Variants in CTNNA3 observed in about 807,000 individuals in gnomAD.
CTNNA3 encodes catenin alpha 3.
Under a neutral mutation model 95.7 loss-of-function variants are expected in CTNNA3, and 76 were observed. The observed-to-expected ratio is 0.79, with a 90% confidence interval of 0.66 to 0.96. CTNNA3 has a LOEUF of 0.96. Ranked by LOEUF, CTNNA3 falls within the 40% of genes least tolerant of loss-of-function variation. The pLI is 0.00. For missense variants in CTNNA3, 1,191 were observed against 1,089.8 expected (o/e 1.09, Z -1.31); for synonymous variants, 431 against 374.4 (o/e 1.15, Z -1.74).
intron 5 of CTNNA3, among the ~76,000 whole-genome samples, chr10:67,245,012 G>A (rs1865856340): frequency 6.6e-6 from 1 of 152,048 alleles, no homozygotes; most frequent in African/African-American, 2.4e-5. Context: ...CTTCATTTAT[G>A]AAAAATGTGA....
chr10:66,749,111 G>A (rs769871455), intron 9 of CTNNA3, among the ~76,000 whole-genome samples: 24 of 147,032 alleles, frequency 1.6e-4, no homozygotes, highest in Non-Finnish European at 3.1e-4. Flanking sequence ...GCTGAGACAG[G>A]AGAATCACTT....
intron 13 of CTNNA3, among the ~76,000 whole-genome samples, chr10:66,120,044 T>C (rs1397370936): frequency 6.6e-6 from 1 of 152,240 alleles, no homozygotes; most frequent in Non-Finnish European, 1.5e-5. Flanking sequence ...CTTTTCATTC[T>C]CGTGTGAAAC....
At chr10:66,275,237 C>A (rs546223723) in intron 13 of CTNNA3, among the ~76,000 whole-genome samples, 15 of 152,150 alleles carry the variant, frequency 9.9e-5, no homozygotes, top group Non-Finnish European at 1.5e-5. Flanking sequence ...CCTGCCTCAA[C>A]CTCCTGAGAA....
chr10:66,659,024 C>T (rs1402498723), intron 9 of CTNNA3, among the ~76,000 whole-genome samples: 1 of 152,058 alleles, frequency 6.6e-6, no homozygotes, highest in Non-Finnish European at 1.5e-5. Context: ...TTCATTTATT[C>T]ACTCATTCAA....
intron 15 of CTNNA3, among the ~76,000 whole-genome samples, chr10:66,004,018 C>T (rs190565083): frequency 9.9e-5 from 15 of 152,260 alleles, no homozygotes; most frequent in African/African-American, 1.4e-4. Flanking sequence ...GAATTTTAGA[C>T]GCTCAACACT....
chr10:67,200,935 T>G (rs750732232), intron 6 of CTNNA3, among the ~76,000 whole-genome samples: 1 of 152,208 alleles, frequency 6.6e-6, no homozygotes, highest in African/African-American at 2.4e-5. Context: ...TGTCTCAGTA[T>G]GTGTTTCCTC....
At chr10:67,419,180 T>C (rs1316809542) in intron 5 of CTNNA3, among the ~76,000 whole-genome samples, 1 of 152,164 alleles carries the variant, frequency 6.6e-6, no homozygotes, top group Non-Finnish European at 1.5e-5. Flanking sequence ...AGGTGGTTCA[T>C]GTGTACATTA....
chr10:66,111,110 A>T lies in CTNNA3; in HGVS notation c.1885-7861T>A, dbSNP rs187276158. On this transcript the variant is annotated intron_variant, in intron 13 of 17. Transcript: ENST00000433211. Reference sequence around the variant, plus strand: ...GAATTGTTATCCACAGTGCTGAGGGAGGGACCTGGTAGGAGGTGATTGGAT... The same window carrying T: ...GAATTGTTATCCACAGTGCTGAGGGTGGGACCTGGTAGGAGGTGATTGGAT... 2.6e-4 allele frequency among the ~76,000 whole-genome samples: 39 copies of T among 152,270 alleles called. No homozygotes were observed. The East Asian group carries it at 7.5e-3, about 29-fold the overall frequency.
At chr10:66,596,081 G>A (rs1178218133) in intron 10 of CTNNA3, among the ~76,000 whole-genome samples, 2 of 152,038 alleles carry the variant, frequency 1.3e-5, no homozygotes, top group African/African-American at 4.8e-5. Context: ...CTTCCAAGGA[G>A]ACCCACTTCT....
At chr10:66,529,604 C>A (rs187123487) in intron 10 of CTNNA3, among the ~76,000 whole-genome samples, 1 of 152,060 alleles carries the variant, frequency 6.6e-6, no homozygotes, top group Non-Finnish European at 1.5e-5. Flanking sequence ...AGTTATTTTG[C>A]TTTTACTATA....
intron 5 of CTNNA3, among the ~76,000 whole-genome samples, chr10:67,423,740 C>T (rs1407118146): frequency 6.6e-6 from 1 of 151,986 alleles, no homozygotes; most frequent in Non-Finnish European, 1.5e-5. Context: ...GTGTATTATT[C>T]TCTCAGATTC....
At chr10:67,302,857 C>G (rs1840381679) in intron 5 of CTNNA3, among the ~76,000 whole-genome samples, 1 of 151,936 alleles carries the variant, frequency 6.6e-6, no homozygotes, top group Non-Finnish European at 1.5e-5. Flanking sequence ...GATGGTATAA[C>G]CAAATTAGAA....
At position 67,161,114 on chromosome 10, in the gene CTNNA3, T is replaced by C. The variant is rs145588552; in HGVS notation, c.1047+19203A>G. Among the ~76,000 whole-genome samples the C allele has an allele frequency of 3.7e-3, 556 of 152,258 alleles. 3 individuals carry two copies. Among genetic ancestry groups the C allele is most frequent in the Middle Eastern group, 0.02 (6 of 294 alleles). On this transcript the variant is annotated intron_variant, in intron 7 of 17. Coordinates refer to ENST00000433211, the MANE Select transcript of CTNNA3 (RefSeq NM_013266.4). ...AGTTATAGAGATATGTTGTCCAACA[T>C]TGTGCCTCTAGTTTTCATTTGATAT...
intron 7 of CTNNA3, among the ~76,000 whole-genome samples, chr10:67,032,322 T>C (rs903302134): frequency 2.6e-5 from 4 of 152,196 alleles, no homozygotes; most frequent in African/African-American, 9.6e-5. Flanking sequence ...AACTGACATA[T>C]GAAAACTATC....
At chr10:67,213,105 T>G (rs1310605620) in intron 6 of CTNNA3, among the ~76,000 whole-genome samples, 1 of 151,912 alleles carries the variant, frequency 6.6e-6, no homozygotes, top group Non-Finnish European at 1.5e-5. Context: ...TGTTAACTAC[T>G]AATTCTATTT....
chr10:67,698,305 T>C (rs1168954855), upstream of CTNNA3, among the ~76,000 whole-genome samples: 1 of 151,562 alleles, frequency 6.6e-6, no homozygotes, highest in African/African-American at 2.4e-5. Flanking sequence ...TCTCCCGAGG[T>C]AATCAAAAGT....
At chr10:66,160,985 T>C (rs1350989974) in intron 13 of CTNNA3, among the ~76,000 whole-genome samples, 1 of 152,188 alleles carries the variant, frequency 6.6e-6, no homozygotes. Context: ...TTTTGTGTGA[T>C]ATAAGAATAG....
chr10:66,352,669 C>T (rs2092575985), intron 12 of CTNNA3, among the ~76,000 whole-genome samples: 1 of 152,020 alleles, frequency 6.6e-6, no homozygotes, highest in African/African-American at 2.4e-5. Context: ...GAGACTCTCA[C>T]TTCTTAAGGT....
intron 5 of CTNNA3, among the ~76,000 whole-genome samples, chr10:67,447,732 A>G (rs142723744): frequency 1.3e-5 from 2 of 152,166 alleles, no homozygotes; most frequent in East Asian, 1.9e-4. Context: ...CATAGCTCTT[A>G]TAACTGCTTG....
Sources: allele counts gnomAD v4.1 joint callset (sites outside exome capture counted in the v4.1 genomes callset), GRCh38; gene constraint gnomAD v4.1.1; transcripts MANE v1.5; gene names NCBI Gene and HGNC (gene_info 2026-07-23, HGNC 2026-07-21).